Variants in OR2C1 observed in about 807,000 individuals in gnomAD.
OR2C1 encodes olfactory receptor 2C1.
For synonymous variants in OR2C1, 209 were observed against 167.3 expected (o/e 1.25, Z -1.92); for missense variants, 468 against 388.3 (o/e 1.21, Z -1.73).
At chr16:3,342,466 C>T in the OR2C1 span, among the ~76,000 whole-genome samples, 83 of 152,236 alleles carry the variant, frequency 5.5e-4, no homozygotes, top group Non-Finnish European at 1.0e-3. Context: ...ACTTGTAATC[C>T]CAGCACTTTG....
chr16:3,341,069 A>T, the OR2C1 span, among the ~76,000 whole-genome samples: 1 of 151,880 alleles, frequency 6.6e-6, no homozygotes, highest in Non-Finnish European at 1.5e-5. Context: ...ACCAATATTA[A>T]GGCTTTCCAA....
the OR2C1 span, among the ~76,000 whole-genome samples, chr16:3,345,758 G>GTTCTCTCTTTCTCTCCCTCT: frequency 7.0e-6 from 1 of 142,068 alleles, no homozygotes; most frequent in Non-Finnish European, 1.5e-5. Flanking sequence ...CCTCTCTCTC[G>GTTCTCTCTTTCTCTCCCTCT]TTCTCTCTTT....
chr16:3,339,509 T>G, the OR2C1 span, among the ~76,000 whole-genome samples: 3 of 152,102 alleles, frequency 2.0e-5, no homozygotes, highest in Non-Finnish European at 4.4e-5. Context: ...CAGGCTGGAG[T>G]GCAGTGGTGC....
chr16:3,336,685 TTTCTATTTTCTTTTCTTTCTTTCTTTC>T, the OR2C1 span, among the ~76,000 whole-genome samples: 1 of 142,214 alleles, frequency 7.0e-6, no homozygotes. Flanking sequence ...TTTTTTTTTT[TTTCTATTTTCTTTTCTTTCTTTCTTTC>T]TTTTTTTTTT....
At chr16:3,327,210 C>T in the OR2C1 span, among the ~76,000 whole-genome samples, 2 of 151,988 alleles carry the variant, frequency 1.3e-5, no homozygotes, top group Non-Finnish European at 2.9e-5. Context: ...CAACATTTTG[C>T]CAATCTTGTT....
the OR2C1 span, among the ~76,000 whole-genome samples, chr16:3,327,791 C>G: frequency 6.6e-6 from 1 of 152,090 alleles, no homozygotes; most frequent in African/African-American, 2.4e-5. Flanking sequence ...GGCATCTCCC[C>G]AGGAGTTCAA....
the OR2C1 span, among the ~76,000 whole-genome samples, chr16:3,333,097 T>C: frequency 0.48 from 72,567 of 151,544 alleles, 18,187 homozygotes; most frequent in East Asian, 0.61. Context: ...ATATATCTCA[T>C]TGTGGTTTTG....
chr16:3,324,040 TG>T, the OR2C1 span: 2 of 413,640 alleles, frequency 4.8e-6, no homozygotes, highest in African/African-American at 2.1e-5. Context: ...ATCAACTGAA[TG>T]ATTTCAAAGC....
chr16:3,357,945 C>G (rs985040863), downstream of OR2C1, among the ~76,000 whole-genome samples: 2 of 151,962 alleles, frequency 1.3e-5, no homozygotes, highest in African/African-American at 4.8e-5. Context: ...CGTGCCATTG[C>G]ACTCCAGCCT....
At chr16:3,337,915 T>C in the OR2C1 span, among the ~76,000 whole-genome samples, 3 of 152,242 alleles carry the variant, frequency 2.0e-5, no homozygotes, top group Admixed American at 6.5e-5. Flanking sequence ...TTCTTTGTAA[T>C]TTATCTGTTG....
At chr16:3,326,796 G>C in the OR2C1 span, among the ~76,000 whole-genome samples, 1 of 152,208 alleles carries the variant, frequency 6.6e-6, no homozygotes, top group Admixed American at 6.5e-5. Flanking sequence ...TAACCCAGTA[G>C]CTGTTCACAA....
upstream of OR2C1, among the ~76,000 whole-genome samples, chr16:3,351,200 TTTTTTCTTTTTTTCTTTTTCTTTTTC>T (rs1251920038): frequency 0.038 from 1,778 of 46,506 alleles, 172 homozygotes; most frequent in African/African-American, 0.076. Flanking sequence ...AATTTAAGTC[TTTTTTCTTTTTTTCTTTTTCTTTTTC>T]TTTTTTTTTT....
the OR2C1 span, among the ~76,000 whole-genome samples, chr16:3,345,836 C>CTTCT: frequency 1.2e-5 from 1 of 83,138 alleles, no homozygotes; most frequent in Non-Finnish European, 2.3e-5. Flanking sequence ...TCCTTCCCTC[C>CTTCT]TTCCTTCCTC....
chr16:3,336,452 C>G, the OR2C1 span, among the ~76,000 whole-genome samples: 1 of 151,962 alleles, frequency 6.6e-6, no homozygotes, highest in Non-Finnish European at 1.5e-5. Flanking sequence ...ACCTCTGCCT[C>G]CTGGTTTCAA....
chr16:3,340,767 T>A, the OR2C1 span, among the ~76,000 whole-genome samples: 1 of 152,230 alleles, frequency 6.6e-6, no homozygotes, highest in Non-Finnish European at 1.5e-5. Context: ...TATTTATGGC[T>A]ATATAGGTTT....
chr16:3,328,495 G>A, the OR2C1 span, among the ~76,000 whole-genome samples: 1 of 152,114 alleles, frequency 6.6e-6, no homozygotes, highest in East Asian at 1.9e-4. Context: ...ATATTTATTG[G>A]TCACTTTTTA....
In OR2C1 at chr16:3,356,224, G is replaced by T. The variant is rs1193030646; in HGVS notation, c.284G>T (p.Gly95Val). 5.6e-6 allele frequency: 9 copies of T among 1,614,048 alleles called. No homozygotes were observed. Among genetic ancestry groups the T allele is most frequent in the Non-Finnish European group, 7.6e-6 (9 of 1,180,056 alleles). The change falls in exon 1 of 1, where the codon GGT (glycine) becomes GTT (valine). Residue 95 changes from glycine (G) to valine (V), a missense_variant. By Grantham distance (109) the Gly-to-Val change is moderately radical. Coordinates refer to ENST00000304936, the MANE Select transcript of OR2C1 (RefSeq NM_012368.3). ...LWGPGKTISY[G>V]GCITQLYVFL... Reference sequence around the variant, plus strand: ...GGACCAGGCAAGACCATCAGCTATGGTGGCTGCATAACCCAGCTCTATGTC... The same window carrying T: ...GGACCAGGCAAGACCATCAGCTATGTTGGCTGCATAACCCAGCTCTATGTC...
the OR2C1 span, among the ~76,000 whole-genome samples, chr16:3,328,270 C>T: frequency 1.3e-5 from 2 of 152,302 alleles, no homozygotes; most frequent in East Asian, 3.9e-4. Context: ...ACATACTTAG[C>T]CAAACAAGAG....
At chr16:3,350,596 G>A in the OR2C1 span, among the ~76,000 whole-genome samples, 1 of 150,354 alleles carries the variant, frequency 6.7e-6, no homozygotes, top group African/African-American at 2.5e-5. Flanking sequence ...TATTTTTACT[G>A]GAGACGGGGT....
Sources: allele counts gnomAD v4.1 joint callset (sites outside exome capture counted in the v4.1 genomes callset), GRCh38; gene constraint gnomAD v4.1.1; transcripts MANE v1.5; gene names NCBI Gene and HGNC (gene_info 2026-07-23, HGNC 2026-07-21).